Variants in ZNF600 observed in about 807,000 individuals in gnomAD.
ZNF600 encodes the protein zinc finger protein 600, also known as zinc finger protein KR-ZNF1.
A neutral mutation model predicts 7.3 loss-of-function variants in ZNF600; 4 were observed. The ratio of observed to expected loss-of-function variants is 0.55; its 90% CI spans 0.27 to 1.25. ZNF600 has a LOEUF of 1.25. Ranked by LOEUF, ZNF600 falls within the 50% of genes most tolerant of loss-of-function variation. ZNF600 has a pLI of 0.12. For synonymous variants in ZNF600, 290 were observed against 308.9 expected (o/e 0.94, Z 0.64); for missense variants, 911 against 922.1 (o/e 0.99, Z 0.16).
chr19:52,764,565 CGGAGTGCAGTGGCA>C (rs1358288882), exon 4 of ZNF600: 5 of 150,124 alleles, frequency 3.3e-5, no homozygotes, highest in Non-Finnish European at 5.9e-5. Flanking sequence ...TCGCCCAGGC[CGGAGTGCAGTGGCA>C]CGATGTTGGC....
the ZNF600 span, among the ~76,000 whole-genome samples, chr19:52,823,169 AT>A: frequency 1.3e-5 from 2 of 152,106 alleles, no homozygotes; most frequent in African/African-American, 4.8e-5. Context: ...TTTTTTTAAA[AT>A]TTATATTAGG....
chr19:52,817,919 C>A, the ZNF600 span: 6 of 1,609,674 alleles, frequency 3.7e-6, no homozygotes, highest in Non-Finnish European at 4.2e-6. Context: ...GGAGACAGAG[C>A]AATCCACCGA....
chr19:52,774,960 C>A (rs2147525513), intron 2 of ZNF600, among the ~76,000 whole-genome samples: 1 of 152,254 alleles, frequency 6.6e-6, no homozygotes, highest in South Asian at 2.1e-4. Context: ...AAACACAGGG[C>A]CAGGCATGGT....
At chr19:52,817,831 G>C in the ZNF600 span, 2 of 1,570,616 alleles carry the variant, frequency 1.3e-6, no homozygotes, top group African/African-American at 1.4e-5. Context: ...ATGGGTGAGG[G>C]TGAGCAAACA....
At chr19:52,812,659 A>G in the ZNF600 span, among the ~76,000 whole-genome samples, 1 of 133,674 alleles carries the variant, frequency 7.5e-6, no homozygotes, top group East Asian at 2.0e-4. Context: ...GCCTAGGAAA[A>G]CCAGAGACCT....
chr19:52,787,095 A>C (rs555335884), upstream of ZNF600, among the ~76,000 whole-genome samples: 87 of 152,370 alleles, frequency 5.7e-4, no homozygotes, highest in South Asian at 6.4e-3. Flanking sequence ...CAGAACAGAA[A>C]TCCTCTCCCT....
the ZNF600 span, among the ~76,000 whole-genome samples, chr19:52,818,211 C>A: frequency 2.0e-5 from 3 of 152,202 alleles, no homozygotes; most frequent in Non-Finnish European, 2.9e-5. Flanking sequence ...GAAGCCCACA[C>A]ACACGCTGCA....
chr19:52,769,247 C>T (rs1432055248), intron 3 of ZNF600, among the ~76,000 whole-genome samples: 1 of 152,170 alleles, frequency 6.6e-6, no homozygotes, highest in Non-Finnish European at 1.5e-5. Context: ...TCAGGCCCAC[C>T]TGCAGTTATC....
the ZNF600 span, chr19:52,800,740 T>A: frequency 6.2e-7 from 1 of 1,611,732 alleles, no homozygotes. Flanking sequence ...CGTGCAAGGG[T>A]TGACAGTCGA....
the ZNF600 span, among the ~76,000 whole-genome samples, chr19:52,807,231 C>T: frequency 1.1e-5 from 1 of 93,136 alleles, no homozygotes; most frequent in South Asian, 3.2e-4. Flanking sequence ...AAAGAAAGGA[C>T]CATAACATGC....
At chr19:52,804,352 G>A in the ZNF600 span, among the ~76,000 whole-genome samples, 9 of 152,094 alleles carry the variant, frequency 5.9e-5, no homozygotes, top group Non-Finnish European at 2.9e-5. Context: ...CTGGAGTGTA[G>A]TGGCATGATT....
At chr19:52,782,866 C>G (rs979841809) in intron 1 of ZNF600, among the ~76,000 whole-genome samples, 5 of 151,784 alleles carry the variant, frequency 3.3e-5, no homozygotes, top group Non-Finnish European at 7.4e-5. Flanking sequence ...CAGAGAAAGA[C>G]TCCATCTCAA....
chr19:52,800,147 C>T, the ZNF600 span: 1 of 1,605,980 alleles, frequency 6.2e-7, no homozygotes. Flanking sequence ...TATGTCTTTC[C>T]ATGTGTGATT....
At chr19:52,806,889 G>A in the ZNF600 span, among the ~76,000 whole-genome samples, 1 of 152,120 alleles carries the variant, frequency 6.6e-6, no homozygotes. Context: ...GCAACAGAGT[G>A]AGACTCTGTC....
chr19:52,809,658 T>C, the ZNF600 span, among the ~76,000 whole-genome samples: 5 of 152,080 alleles, frequency 3.3e-5, no homozygotes, highest in African/African-American at 9.6e-5. Flanking sequence ...ATACAAAAAA[T>C]AGCCAGACGT....
At chr19:52,784,976 A>G (rs572000355) in intron 1 of ZNF600, among the ~76,000 whole-genome samples, 2 of 152,210 alleles carry the variant, frequency 1.3e-5, no homozygotes, top group African/African-American at 4.8e-5. Flanking sequence ...GACTCAAGCA[A>G]TCCCTTTGCC....
upstream of ZNF600, among the ~76,000 whole-genome samples, chr19:52,790,971 A>T (rs1162678231): frequency 6.6e-6 from 1 of 151,962 alleles, no homozygotes; most frequent in African/African-American, 2.4e-5. Flanking sequence ...GTGAGCCACC[A>T]CACCCAGACC....
chr19:52,806,924 TAGAA>T, the ZNF600 span, among the ~76,000 whole-genome samples: 1 of 151,758 alleles, frequency 6.6e-6, no homozygotes, highest in African/African-American at 2.4e-5. Flanking sequence ...AAAGAAAGAA[TAGAA>T]AGAAAGAGCA....
At chr19:52,782,355 T>C (rs1459291650) in intron 1 of ZNF600, among the ~76,000 whole-genome samples, 3 of 148,306 alleles carry the variant, frequency 2.0e-5, no homozygotes, top group East Asian at 2.1e-4. Context: ...GAAACCCCGT[T>C]TCTACTGAAA....
Sources: allele counts gnomAD v4.1 joint callset (sites outside exome capture counted in the v4.1 genomes callset), GRCh38; gene constraint gnomAD v4.1.1; transcripts MANE v1.5; gene names NCBI Gene and HGNC (gene_info 2026-07-23, HGNC 2026-07-21).